The following GNS variants were observed in gnomAD, a reference collection of about 807,000 sequenced individuals.
GNS encodes the protein glucosamine (N-acetyl)-6-sulfatase.
A neutral mutation model predicts 69.7 loss-of-function variants in GNS; 40 were observed. That is an observed-to-expected ratio of 0.57 (90% confidence interval 0.45 to 0.75). The LOEUF (loss-of-function observed/expected upper bound fraction) is 0.75, where lower values mean the gene tolerates loss of function less well. GNS is among the 30% of genes least tolerant of loss of function. GNS has a pLI of 0.00. For missense variants in GNS, 565 were observed against 685.5 expected, an observed-to-expected ratio of 0.82 and a Z score of 1.96; for synonymous variants, 243 against 251.6, an observed-to-expected ratio of 0.97 and a Z score of 0.32.
rs1300913923 is a variant in GNS, at chr12:64,730,189, C to T, written c.1099-1132G>A. 1.5e-4 allele frequency among the ~76,000 whole-genome samples: 23 copies of T among 152,188 alleles called. No homozygotes were observed. In the East Asian group the frequency reaches 4.2e-3, roughly 28 times the overall value. On this transcript the variant is annotated intron_variant, in intron 9 of 13. Coordinates refer to ENST00000258145, the MANE Select transcript of GNS (RefSeq NM_002076.4). ...ATTTGACATTTATTCTCATTTATTC[C>T]TCATCACAGTCCTTGGACACAGTGT...
At chr12:64,716,934 C>T in intron 13 of GNS, 115 bp from the exon 14 acceptor site, 2 of 737,382 alleles carry the variant, frequency 2.7e-6, no homozygotes, top group Middle Eastern at 3.4e-4. Flanking sequence ...CCAGAAGGGA[C>T]TCTAGTGAGA....
chr12:64,718,750 G>A (rs1364122548), intron 13 of GNS, among the ~76,000 whole-genome samples: 1 of 152,222 alleles, frequency 6.6e-6, no homozygotes, highest in African/African-American at 2.4e-5. Flanking sequence ...CCCAGAGTCA[G>A]CCAGGGAGTA....
Position 64,733,329 on chromosome 12 carries a change from T to A in GNS, c.1098+3675A>T, listed in dbSNP as rs11175530. Among the ~76,000 whole-genome samples, 795 of 102,910 alleles carry A rather than the reference T, an allele frequency of 7.7e-3. 6 individuals are homozygous for A. The highest frequency in any genetic ancestry group is 0.028 in the Middle Eastern group (5 of 176). 67.5% of individuals were successfully genotyped at this position (102,910 alleles called of 152,430 possible). On this transcript the variant is annotated intron_variant, in intron 9 of 13. Coordinates refer to ENST00000258145, the MANE Select transcript of GNS (RefSeq NM_002076.4). ...AAAAAAAAAAAAAAAAAAAAAAAAA[T>A]TCCTGGGGCTTAAATCAAAGGGTAT... is the stretch of plus-strand genomic sequence containing the variant.
intron 13 of GNS, among the ~76,000 whole-genome samples, chr12:64,718,849 A>T (rs1467195431): frequency 6.6e-6 from 1 of 152,240 alleles, no homozygotes; most frequent in Non-Finnish European, 1.5e-5. Flanking sequence ...GGAAATTGCA[A>T]AGTCAGCACA....
At chr12:64,748,375 T>C (rs79633586) in intron 2 of GNS, among the ~76,000 whole-genome samples, 2 of 151,512 alleles carry the variant, frequency 1.3e-5, no homozygotes, top group African/African-American at 2.4e-5. Context: ...TTTTTTTTTT[T>C]CATTTTTTTA....
intron 9 of GNS, among the ~76,000 whole-genome samples, chr12:64,733,132 A>AC (rs1347103322): frequency 3.3e-5 from 5 of 151,292 alleles, no homozygotes; most frequent in African/African-American, 4.9e-5. Flanking sequence ...AAACAAACAA[A>AC]AAACAAAAAA....
chr12:64,732,065 C>A (rs192995098), intron 9 of GNS, among the ~76,000 whole-genome samples: 17 of 152,026 alleles, frequency 1.1e-4, no homozygotes, highest in Admixed American at 1.1e-3. Flanking sequence ...CGGCTCACTG[C>A]AATCTCCACC....
chr12:64,749,775 A>G (rs1444586736), intron 2 of GNS, among the ~76,000 whole-genome samples: 1 of 151,880 alleles, frequency 6.6e-6, no homozygotes, highest in Admixed American at 6.6e-5. Flanking sequence ...TTAAGTTTAA[A>G]TTGGCAACTC....
chr12:64,758,215 T>C (rs1253470565), intron 1 of GNS, among the ~76,000 whole-genome samples: 1 of 151,698 alleles, frequency 6.6e-6, no homozygotes, highest in Non-Finnish European at 1.5e-5. Flanking sequence ...AGTCAGGTGT[T>C]CAATCACACT....
At chr12:64,721,045 T>TG (rs769669312) in intron 12 of GNS, among the ~76,000 whole-genome samples, 61 of 152,210 alleles carry the variant, frequency 4.0e-4, no homozygotes, top group Non-Finnish European at 7.8e-4. Flanking sequence ...GATGGTCAGA[T>TG]GAGGGTTGCC....
At chr12:64,734,662 C>T (rs1013551876) in intron 9 of GNS, among the ~76,000 whole-genome samples, 7 of 152,182 alleles carry the variant, frequency 4.6e-5, no homozygotes, top group African/African-American at 1.7e-4. Flanking sequence ...TCGCATTTAC[C>T]GTCCTGCTCA....
At chr12:64,742,641 T>C (rs548640558) in intron 6 of GNS, among the ~76,000 whole-genome samples, 34 of 152,364 alleles carry the variant, frequency 2.2e-4, no homozygotes, top group Middle Eastern at 6.8e-3. Context: ...GAACTGTCTA[T>C]ACACCAAGCC....
At chr12:64,758,903 G>A (rs1305193955) in intron 1 of GNS, among the ~76,000 whole-genome samples, 182 bp downstream of exon 1, 2 of 152,188 alleles carry the variant, frequency 1.3e-5, no homozygotes, top group Non-Finnish European at 2.9e-5. Flanking sequence ...CCTCAATCCA[G>A]AAAGGAAAAG....
intron 1 of GNS, chr12:64,756,817 T>G: frequency 1.1e-6 from 1 of 910,414 alleles, no homozygotes; most frequent in Non-Finnish European, 1.7e-6. Context: ...ACTTATGCCC[T>G]CCACTCAATT....
chr12:64,741,932 A>T (rs1373339440), intron 6 of GNS, among the ~76,000 whole-genome samples: 1 of 152,178 alleles, frequency 6.6e-6, no homozygotes, highest in Non-Finnish European at 1.5e-5. Context: ...ACTTTTTATT[A>T]ACTTCTTTTG....
chr12:64,739,479 A>G lies in GNS; in HGVS notation c.896T>C (p.Val299Ala), dbSNP rs752339367. 16 of 1,602,188 alleles carry G rather than the reference A, an allele frequency of 1.0e-5. No homozygotes were observed. In the African/African-American group the frequency reaches 1.5e-4, roughly 15 times the overall value. ...GACCAGTTTCTCCACAAGGTCATCA[A>G]CTGAGAGGAGAGTTTGCCACCTGGA... ...FRKRWQTLLS[V>A]DDLVEKLVKR... The change falls in exon 8 of 14, where the codon GTT becomes GCT. Residue 299 changes from valine to alanine, a missense_variant. By Grantham distance (64) the Val-to-Ala change is moderately conservative. Around this residue, in one of 2 missense-constraint regions of GNS, gnomAD observed 384 missense variants for 511.0 expected, o/e 0.75. Transcript: ENST00000258145.
At chr12:64,745,111 G>C (rs969617951) in intron 4 of GNS, among the ~76,000 whole-genome samples, 3 of 149,472 alleles carry the variant, frequency 2.0e-5, no homozygotes, top group Non-Finnish European at 3.0e-5. Context: ...TTAAAAGCCA[G>C]AAGTAGATCA....
intron 1 of GNS, among the ~76,000 whole-genome samples, chr12:64,757,349 C>A (rs569754718): frequency 6.6e-6 from 1 of 152,228 alleles, no homozygotes; most frequent in South Asian, 2.1e-4. Context: ...GACCTTTTAA[C>A]TGAGTACTTA....
At chr12:64,722,730 G>A (rs185991496) in intron 11 of GNS, 1 of 416,628 alleles carries the variant, frequency 2.4e-6, no homozygotes, top group Admixed American at 3.7e-5. Context: ...TATTGGGAGG[G>A]GTAGAAAAAC....
Sources: allele counts gnomAD v4.1 joint callset (sites outside exome capture counted in the v4.1 genomes callset), GRCh38; gene constraint gnomAD v4.1.1; regional missense constraint gnomAD v4.1.1; transcripts MANE v1.5; gene names NCBI Gene and HGNC (gene_info 2026-07-23, HGNC 2026-07-21).